Variants in SEMA3A observed in about 807,000 individuals in gnomAD.
SEMA3A encodes semaphorin 3A, also known as semaphorin-3A.
In SEMA3A, 29 loss-of-function variants were observed where a neutral mutation model predicts 97.9. The observed-to-expected ratio is 0.30, with a 90% CI of 0.22 to 0.40. SEMA3A has a LOEUF of 0.40. Ranked by LOEUF, SEMA3A falls within the 10% of genes least tolerant of loss-of-function variation. SEMA3A has a pLI of 1.00. For missense variants in SEMA3A, 763 were observed against 951.3 expected (o/e 0.80, Z 2.60); for synonymous variants, 321 against 323.7 (o/e 0.99, Z 0.09).
intron 14 of SEMA3A, among the ~76,000 whole-genome samples, chr7:83,980,639 T>TATATATAC (rs376148779): frequency 2.4e-4 from 21 of 88,448 alleles, no homozygotes; most frequent in African/African-American, 9.2e-4. Flanking sequence ...TATATATATA[T>TATATATAC]ACACACACAC....
At chr7:83,989,688 G>C (rs1328271856) in intron 12 of SEMA3A, among the ~76,000 whole-genome samples, 1 of 131,668 alleles carries the variant, frequency 7.6e-6, no homozygotes, top group Non-Finnish European at 1.6e-5. Context: ...TGGTGTATAT[G>C]TGCCACATTT....
intron 3 of SEMA3A, among the ~76,000 whole-genome samples, chr7:84,253,581 T>C (rs1799655979): frequency 6.6e-6 from 1 of 152,204 alleles, no homozygotes; most frequent in Non-Finnish European, 1.5e-5. Flanking sequence ...GCATATAATA[T>C]ACATGCTTTA....
At chr7:83,978,988 C>T (rs888193803) in intron 14 of SEMA3A, among the ~76,000 whole-genome samples, 3 of 152,052 alleles carry the variant, frequency 2.0e-5, no homozygotes, top group Non-Finnish European at 2.9e-5. Context: ...TAGGTTTTAA[C>T]TTATAGATGT....
intron 6 of SEMA3A, among the ~76,000 whole-genome samples, chr7:84,040,722 C>A (rs1049924861): frequency 5.3e-5 from 8 of 151,894 alleles, no homozygotes; most frequent in Non-Finnish European, 1.0e-4. Context: ...TGAGACCCAC[C>A]AAGCTTTGAA....
At chr7:84,008,127 ACTAAACAAAAATTTTGTTCG>A (rs1387735076) in intron 9 of SEMA3A, among the ~76,000 whole-genome samples, 1 of 152,184 alleles carries the variant, frequency 6.6e-6, no homozygotes, top group Non-Finnish European at 1.5e-5. Context: ...TCATCATTTC[ACTAAACAAAAATTTTGTTCG>A]CTAAACAAAA....
intron 3 of SEMA3A, among the ~76,000 whole-genome samples, chr7:84,284,648 A>C (rs369352351): frequency 6.6e-6 from 1 of 152,172 alleles, no homozygotes; most frequent in African/African-American, 2.4e-5. Flanking sequence ...TAAATAGCAT[A>C]CTGAATTCCA....
chr7:84,284,299 G>A (rs1277473908), intron 3 of SEMA3A, among the ~76,000 whole-genome samples: 1 of 152,090 alleles, frequency 6.6e-6, no homozygotes, highest in Admixed American at 6.6e-5. Flanking sequence ...CTAAAGGAAT[G>A]TTCAATCTAG....
intron 1 of SEMA3A, among the ~76,000 whole-genome samples, chr7:84,421,178 G>A (rs1473239471): frequency 6.6e-6 from 1 of 151,950 alleles, no homozygotes; most frequent in Non-Finnish European, 1.5e-5. Context: ...AAATCATTAA[G>A]CTGATATTTT....
intron 14 of SEMA3A, among the ~76,000 whole-genome samples, chr7:83,979,577 A>C (rs1789309416): frequency 6.6e-6 from 1 of 152,214 alleles, no homozygotes; most frequent in East Asian, 1.9e-4. Context: ...TTCTTTAATG[A>C]ACAGACATTA....
intron 3 of SEMA3A, among the ~76,000 whole-genome samples, chr7:84,274,133 T>G (rs1201245096): frequency 1.3e-5 from 2 of 152,102 alleles, no homozygotes; most frequent in African/African-American, 4.8e-5. Flanking sequence ...AAATTTATCT[T>G]TTGCTGTTTC....
intron 6 of SEMA3A, among the ~76,000 whole-genome samples, chr7:84,030,400 T>A (rs1026333245): frequency 6.6e-6 from 1 of 152,166 alleles, no homozygotes; most frequent in Non-Finnish European, 1.5e-5. Context: ...TTACTCTGCT[T>A]TATGAAATGA....
chr7:84,375,533 T>G (rs1205145675), intron 1 of SEMA3A, among the ~76,000 whole-genome samples: 1 of 152,180 alleles, frequency 6.6e-6, no homozygotes, highest in African/African-American at 2.4e-5. Flanking sequence ...TATTCTTTCT[T>G]TTATTAAAAT....
intron 1 of SEMA3A, among the ~76,000 whole-genome samples, chr7:84,135,194 AC>A (rs1796089481): frequency 1.4e-5 from 2 of 146,136 alleles, no homozygotes; most frequent in African/African-American, 5.1e-5. Flanking sequence ...TCGGTTCACC[AC>A]AACCTCCCGA....
chr7:84,041,951 T>A (rs1368536345), intron 6 of SEMA3A, among the ~76,000 whole-genome samples: 1 of 152,146 alleles, frequency 6.6e-6, no homozygotes, highest in Non-Finnish European at 1.5e-5. Context: ...CTGACGTTTT[T>A]TATGTCTCCA....
At chr7:84,267,715 A>C (rs1182965451) in intron 3 of SEMA3A, among the ~76,000 whole-genome samples, 1 of 152,124 alleles carries the variant, frequency 6.6e-6, no homozygotes, top group Non-Finnish European at 1.5e-5. Flanking sequence ...ATGGTCATTT[A>C]CATGTCTAAA....
At chr7:84,341,715 C>T (rs953141900) in intron 2 of SEMA3A, among the ~76,000 whole-genome samples, 1 of 152,104 alleles carries the variant, frequency 6.6e-6, no homozygotes, top group African/African-American at 2.4e-5. Flanking sequence ...ATCACATTCA[C>T]TGTAGTTGTC....
rs1232785284 is a variant in SEMA3A, at chr7:84,059,777, G to C, written c.547+688C>G. ...TGCTCAAAATTTAAAAAATAAAAAA[G>C]AAAGGAAAAAATGATAAAATAAAGA... On this transcript the variant is annotated intron_variant, in intron 5 of 16. Coordinates refer to ENST00000265362, the MANE Select transcript of SEMA3A (RefSeq NM_006080.3). Among the ~76,000 whole-genome samples, 4 of 151,466 alleles carry C rather than the reference G, an allele frequency of 2.6e-5. No individual in the cohort carries two copies. The East Asian group carries it at 5.8e-4, about 22-fold the overall frequency.
chr7:84,236,217 T>C (rs936367572), intron 3 of SEMA3A, among the ~76,000 whole-genome samples: 10 of 152,138 alleles, frequency 6.6e-5, no homozygotes, highest in Non-Finnish European at 1.0e-4. Flanking sequence ...CTCTTCCTCC[T>C]GTCTTTTAGC....
At chr7:84,442,062 A>G (rs1045556696) in intron 1 of SEMA3A, among the ~76,000 whole-genome samples, 10 of 152,186 alleles carry the variant, frequency 6.6e-5, no homozygotes, top group Non-Finnish European at 1.5e-4. Context: ...GAAGAAAGAG[A>G]GATCTCAGTA....
Sources: gnomAD v4.1 joint callset for allele counts (sites outside exome capture counted in the v4.1 genomes callset) on GRCh38, gnomAD v4.1.1 for gene constraint, MANE v1.5 for transcripts, NCBI Gene and HGNC (gene_info 2026-07-23, HGNC 2026-07-21) for gene names.